Variants in ABCA1 observed in about 807,000 individuals in gnomAD.
ABCA1 encodes phospholipid-transporting ATPase ABCA1.
Under a neutral mutation model 262.5 loss-of-function variants are expected in ABCA1, and 133 were observed. That is an observed-to-expected ratio of 0.51 (90% confidence interval 0.44 to 0.59). The LOEUF (loss-of-function observed/expected upper bound fraction) is 0.59. Among genes scored for constraint, ABCA1 ranks in the 20% least tolerant of loss-of-function variants. The pLI, the probability that ABCA1 is intolerant of heterozygous loss-of-function variation, is 0.00. For synonymous variants in ABCA1, 1,022 were observed against 1,043.5 expected (o/e 0.98, Z 0.40); for missense variants, 2,452 against 2,777.5 (o/e 0.88, Z 2.63).
intron 2 of ABCA1, among the ~76,000 whole-genome samples, chr9:104,899,555 G>A (rs891345825): frequency 2.6e-5 from 4 of 151,978 alleles, no homozygotes; most frequent in African/African-American, 4.8e-5. Context: ...TTAGCCAGGC[G>A]TGGTGCTGTG....
intron 1 of ABCA1, among the ~76,000 whole-genome samples, chr9:104,913,390 A>G (rs1164965605): frequency 6.6e-6 from 1 of 152,238 alleles, no homozygotes; most frequent in Non-Finnish European, 1.5e-5. Flanking sequence ...TCTCCAAAAA[A>G]TAGAACTGAT....
chr9:104,893,049 G>T (rs1371504255), intron 2 of ABCA1, among the ~76,000 whole-genome samples: 3 of 152,114 alleles, frequency 2.0e-5, no homozygotes, highest in Admixed American at 1.3e-4. Flanking sequence ...GCTTGTAGCT[G>T]AATAAAATCA....
chr9:104,826,007 C>G (rs746953316), intron 16 of ABCA1, 120 bp from the exon 17 acceptor site: 11 of 986,904 alleles, frequency 1.1e-5, no homozygotes, highest in Non-Finnish European at 1.6e-5. Context: ...TCATAAGGTG[C>G]AGAAGTAGTA....
At chr9:104,811,027 C>A in intron 28 of ABCA1, 103 bp from the exon 29 acceptor site, 1 of 1,533,780 alleles carries the variant, frequency 6.5e-7, no homozygotes, top group Non-Finnish European at 8.9e-7. Context: ...ACCTCCCCGA[C>A]CAACCAGCAC....
chr9:104,835,104 C>T (rs907559584), intron 11 of ABCA1, among the ~76,000 whole-genome samples: 1 of 151,960 alleles, frequency 6.6e-6, no homozygotes, highest in Non-Finnish European at 1.5e-5. Flanking sequence ...AAAAATTAGC[C>T]GGGCACAGTG....
At chr9:104,785,885 T>C (rs1201309704) in intron 48 of ABCA1, among the ~76,000 whole-genome samples, 4 of 152,198 alleles carry the variant, frequency 2.6e-5, no homozygotes, top group Non-Finnish European at 5.9e-5. Flanking sequence ...CTGACAGATG[T>C]TACAGAGAAA....
intron 1 of ABCA1, among the ~76,000 whole-genome samples, chr9:104,912,446 ATCTATATC>A (rs1414730984): frequency 6.6e-6 from 1 of 152,214 alleles, no homozygotes; most frequent in Admixed American, 6.5e-5. Flanking sequence ...GTTTAACTCC[ATCTATATC>A]ATGTCACTGA....
chr9:104,897,922 T>C lies in ABCA1; in HGVS notation c.66+5692A>G, dbSNP rs370454795. On this transcript the variant is annotated intron_variant, in intron 2 of 49. Transcript: ENST00000374736. ...CCGGCCATTAACTTATTAACAATAC[T>C]CTCTTCATCTGTGAAACAGAAATTG... Among the ~76,000 whole-genome samples, 4 of 152,142 alleles carry C rather than the reference T, an allele frequency of 2.6e-5. No homozygotes were observed. In the East Asian group the frequency reaches 7.7e-4, roughly 29 times the overall value.
rs1322163896 is a variant in ABCA1, at chr9:104,831,786, G to A, written c.1551C>T (p.Val517=). The A allele has an allele frequency of 6.2e-7, 1 of 1,614,208 alleles. No individual in the cohort carries two copies. Among genetic ancestry groups the A allele is most frequent in the Non-Finnish European group, 8.5e-7 (1 of 1,180,054 alleles). Residue 517 remains valine, a synonymous_variant, in exon 13 of 50, where the codon GTC becomes GTT. Transcript: ENST00000374736. ...LNKLEPIATE[V]WLINKSMELL... ...GCTCCATGGACTTGTTGATGAGCCA[G>A]ACTTCTGTTGCTATGGGTTCTAGCT... is the stretch of plus-strand genomic sequence containing the variant.
At chr9:104,847,946 T>A (rs1380638751) in intron 7 of ABCA1, among the ~76,000 whole-genome samples, 2 of 152,208 alleles carry the variant, frequency 1.3e-5, no homozygotes, top group Non-Finnish European at 2.9e-5. Context: ...CACATATATC[T>A]TACACATATT....
Position 104,796,485 on chromosome 9 carries a change from A to G in ABCA1, c.5122-61T>C, listed in dbSNP as rs73519810. 0.018 allele frequency: 22,911 copies of G among 1,284,052 alleles called. 1,392 individuals are homozygous for G. The African/African-American group carries it at 0.2, about 11-fold the overall frequency. The allele number at this position is 1,284,052 out of a possible 1,614,324, so 79.5% of individuals were successfully genotyped here. A position where few individuals can be genotyped will look rare whatever the true frequency, so the allele number is the denominator to read the frequency against. On this transcript the variant is annotated intron_variant, in intron 37 of 49. Coordinates refer to ENST00000374736, the MANE Select transcript of ABCA1 (RefSeq NM_005502.4). ...AAATCAAATATACAATGCATCACAC[A>G]AGTTTTCACCATTATCAGACAAGAA...
intron 30 of ABCA1, among the ~76,000 whole-genome samples, chr9:104,807,586 C>T (rs1357407750): frequency 6.6e-6 from 1 of 151,958 alleles, no homozygotes; most frequent in East Asian, 1.9e-4. Flanking sequence ...GAGGCGAAGG[C>T]GGGTGGATCA....
intron 24 of ABCA1, 50 bp from the exon 25 acceptor site, chr9:104,816,395 G>C: frequency 2.5e-6 from 4 of 1,572,386 alleles, no homozygotes; most frequent in Non-Finnish European, 3.5e-6. Flanking sequence ...GAGGGGCTTC[G>C]GAGTGAGGGC....
At chr9:104,813,407 C>G (rs932321486) in intron 27 of ABCA1, among the ~76,000 whole-genome samples, 1 of 152,076 alleles carries the variant, frequency 6.6e-6, no homozygotes, top group Non-Finnish European at 1.5e-5. Flanking sequence ...TCCAAAATAT[C>G]TAATTCTTTT....
At chr9:104,808,520 A>G (rs1401442640) in intron 30 of ABCA1, among the ~76,000 whole-genome samples, 3 of 152,218 alleles carry the variant, frequency 2.0e-5, no homozygotes, top group Non-Finnish European at 4.4e-5. Flanking sequence ...ATTAGCTGCT[A>G]GGATTTACCA....
At chr9:104,902,972 A>T (rs1840787649) in intron 2 of ABCA1, among the ~76,000 whole-genome samples, 2 of 152,176 alleles carry the variant, frequency 1.3e-5, no homozygotes, top group African/African-American at 4.8e-5. Context: ...TAGAGAGACA[A>T]AGAGCTGACG....
At chr9:104,798,666 A>G in intron 36 of ABCA1, 68 bp from the exon 37 acceptor site, 16 of 1,394,838 alleles carry the variant, frequency 1.1e-5, no homozygotes, top group Admixed American at 1.9e-5. Flanking sequence ...CAGTGAGGAC[A>G]TGGACACACA....
At chr9:104,850,495 A>T (rs547630537) in intron 7 of ABCA1, among the ~76,000 whole-genome samples, 5 of 150,598 alleles carry the variant, frequency 3.3e-5, no homozygotes, top group African/African-American at 1.2e-4. Context: ...TTTTAATTCA[A>T]TGAAAAGATA....
At chr9:104,868,637 G>A (rs1316379357) in intron 5 of ABCA1, among the ~76,000 whole-genome samples, 1 of 152,198 alleles carries the variant, frequency 6.6e-6, no homozygotes. Context: ...AGCCTCCTTG[G>A]TTTTGCCTGG....
Sources: gnomAD v4.1 joint callset for allele counts (sites outside exome capture counted in the v4.1 genomes callset) on GRCh38, gnomAD v4.1.1 for gene constraint, MANE v1.5 for transcripts, NCBI Gene and HGNC (gene_info 2026-07-23, HGNC 2026-07-21) for gene names.